AREG: variants seen among roughly 807,000 people sequenced by gnomAD.
AREG encodes amphiregulin, also known as amphiregulin B.
AREG carries 16 observed loss-of-function variants against 28.0 expected under a neutral mutation model. The observed-to-expected ratio is 0.57, with a 90% CI of 0.39 to 0.87. The LOEUF (loss-of-function observed/expected upper bound fraction) is 0.87. Ranked by LOEUF, AREG falls within the 40% of genes least tolerant of loss-of-function variation. The pLI is 0.00. For synonymous variants in AREG, 113 were observed against 113.5 expected (o/e 1.00, Z 0.02); for missense variants, 287 against 309.1 (o/e 0.93, Z 0.53).
chr4:74,449,070 C>G lies in AREG; in HGVS notation c.334C>G (p.Gln112Glu). 1 of 1,609,092 alleles carries G rather than the reference C, an allele frequency of 6.2e-7. No homozygotes were observed. The highest frequency in any genetic ancestry group is 8.5e-7 in the Non-Finnish European group (1 of 1,179,072). The stretch of plus-strand genomic sequence containing the variant: ...AGTTGAACAGGTAGTTAAGCCCCCC[C>G]AAAACAAGACGGAAAGTGAAAATAC... ...VRVEQVVKPP[Q>E]NKTESENTSD... The change falls in exon 3 of 6, where the codon CAA (glutamine) becomes GAA (glutamate). Residue 112 changes from glutamine (Q) to glutamate (E), a missense_variant. Physicochemically the swap from Gln to Glu is conservative, Grantham distance 29. Transcript: ENST00000395748.
In AREG at chr4:74,445,449, G is replaced by A. The variant is rs1294898846; in HGVS notation, c.61+43G>A. 3 of 1,586,432 alleles carry A rather than the reference G, an allele frequency of 1.9e-6. No homozygotes were observed. The African/African-American group carries it at 4.0e-5, about 21-fold the overall frequency. On this transcript the variant is annotated intron_variant, in intron 1 of 5. Transcript: ENST00000395748. ...CTGAACTGCTGGGCTCTCCTCCCAT[G>A]GCAGGTTTTGCCTCTTGAGTTTGGC...
rs535058571 is a variant in AREG, at chr4:74,446,545, G to A, written c.73G>A (p.Ala25Thr). 4.6e-5 allele frequency: 74 copies of A among 1,613,904 alleles called. 1 individual carries two copies. The Middle Eastern group carries it at 6.6e-3, about 144-fold the overall frequency. Residue 25 changes from alanine (A) to threonine (T), a missense_variant, in exon 2 of 6, where the codon GCT becomes ACT. By Grantham distance (58) the Ala-to-Thr change is moderately conservative. Transcript: ENST00000395748. Reference sequence around the variant, plus strand: ...TCCCTCCCCTGCAGGCCATTATGCTGCTGGATTGGACCTCAATGACACCTA... The same window carrying A: ...TCCCTCCCCTGCAGGCCATTATGCTACTGGATTGGACCTCAATGACACCTA... Reference protein sequence around the residue: ...LLILGSGHYAAGLDLNDTYSG... With the variant: ...LLILGSGHYATGLDLNDTYSG...
chr4:74,452,448 A>G lies in AREG; in HGVS notation c.666-96A>G, dbSNP rs28364988. On this transcript the variant is annotated intron_variant, in intron 4 of 5. Transcript: ENST00000395748. ...GTATAGTGATTGCTGGTCTATCACT[A>G]CTCATGAAGTGGAACCCCCTCTACT... The G allele has an allele frequency of 5.7e-5, 79 of 1,395,320 alleles. No individual in the cohort carries two copies. The East Asian group carries it at 1.8e-3, about 31-fold the overall frequency. 86.4% of individuals were successfully genotyped at this position (1,395,320 alleles called of 1,614,324 possible). A position where few individuals can be genotyped will look rare whatever the true frequency, so the allele number is the denominator to read the frequency against.
intron 5 of AREG, among the ~76,000 whole-genome samples, chr4:74,454,176 T>G (rs1719424214): frequency 6.6e-6 from 1 of 152,222 alleles, no homozygotes; most frequent in Non-Finnish European, 1.5e-5. Context: ...TACATCAAAA[T>G]TTTTAATGTA....
chr4:74,454,785 T>C lies in AREG; in HGVS notation c.*45T>C. ...ATATCACATTGGAGTCACTGCCAAG[T>C]CATAGCCATAAATGATGAGTCGGTC... On this transcript the variant is annotated 3_prime_UTR_variant, in exon 6 of 6. Transcript: ENST00000395748. The C allele has an allele frequency of 1.4e-6, 1 of 699,324 alleles. No individual in the cohort carries two copies. The highest frequency in any genetic ancestry group is 2.7e-5 in the East Asian group (1 of 37,068). The allele number at this position is 699,324 out of a possible 1,614,324, so 43.3% of individuals were successfully genotyped here. A position where few individuals can be genotyped will look rare whatever the true frequency, so the allele number is the denominator to read the frequency against.
intron 1 of AREG, among the ~76,000 whole-genome samples, chr4:74,445,937 A>G (rs2110410469): frequency 6.6e-6 from 1 of 152,304 alleles, no homozygotes; most frequent in Non-Finnish European, 1.5e-5. Context: ...TACTCAGTTT[A>G]TTGTCTATGT....
chr4:74,445,538 T>C, intron 1 of AREG, 132 bp downstream of exon 1: 2 of 1,493,556 alleles, frequency 1.3e-6, no homozygotes, highest in Non-Finnish European at 1.8e-6. Context: ...GTGATCACTG[T>C]AGCTCCCTCC....
chr4:74,450,497 T>C lies in AREG; in HGVS notation c.630T>C (p.Ala210=). ...CAGCCATAGCTGCCTTTATGTCTGC[T>C]GTGATCCTCACAGCTGTTGCTGTTA... ...ALAAIAAFMS[A]VILTAVAVIT... is the part of the protein sequence containing the mutation. The change falls in exon 4 of 6, where the codon GCT becomes GCC. Residue 210 remains alanine, a synonymous_variant. Coordinates refer to ENST00000395748, the MANE Select transcript of AREG (RefSeq NM_001657.4). 6.2e-7 allele frequency: 1 copy of C among 1,613,990 alleles called. No individual in the cohort carries two copies. Among genetic ancestry groups the C allele is most frequent in the Non-Finnish European group, 8.5e-7 (1 of 1,179,842 alleles).
chr4:74,447,379 A>G (rs1221576291), intron 2 of AREG, among the ~76,000 whole-genome samples: 1 of 152,220 alleles, frequency 6.6e-6, no homozygotes, highest in African/African-American at 2.4e-5. Flanking sequence ...TGGAATAATA[A>G]TAATAATGCC....
intron 1 of AREG, among the ~76,000 whole-genome samples, chr4:74,446,123 G>A (rs1719282173): frequency 6.6e-6 from 1 of 152,114 alleles, no homozygotes; most frequent in South Asian, 2.1e-4. Flanking sequence ...CACATCTGAA[G>A]AAAATCTGAT....
intron 5 of AREG, 27 bp downstream of exon 5, chr4:74,452,682 A>G: frequency 1.9e-6 from 3 of 1,585,388 alleles, no homozygotes; most frequent in South Asian, 1.2e-5. Context: ...ATATCTTTAG[A>G]TCATATCCTA....
At chr4:74,447,273 A>G (rs1719308890) in intron 2 of AREG, among the ~76,000 whole-genome samples, 1 of 152,186 alleles carries the variant, frequency 6.6e-6, no homozygotes, top group Admixed American at 6.5e-5. Context: ...ACCCTTCCCC[A>G]GATAACTGCA....
intron 2 of AREG, chr4:74,448,523 A>G (rs1719328556): frequency 6.5e-6 from 1 of 153,782 alleles, no homozygotes; most frequent in Non-Finnish European, 1.4e-5. Context: ...TTAGTGTAAC[A>G]AAATGCACAG....
intron 4 of AREG, among the ~76,000 whole-genome samples, chr4:74,452,108 A>C (rs1354151452): frequency 6.6e-6 from 1 of 152,186 alleles, no homozygotes; most frequent in Non-Finnish European, 1.5e-5. Context: ...CTAGAAGGAT[A>C]TATTTTATAC....
intron 2 of AREG, 39 bp from the exon 3 acceptor site, chr4:74,449,008 G>A: frequency 5.0e-6 from 8 of 1,603,162 alleles, no homozygotes; most frequent in East Asian, 4.5e-5. Flanking sequence ...TTATATTCAA[G>A]TTTGAGAGAC....
At position 74,446,684 on chromosome 4, in the gene AREG, CTAGTAGTGAA is replaced by C. The variant is rs1719295220; in HGVS notation, c.213_222del (p.Ser72ArgfsTer33). ...ATTTCCCCTGTGAGTGAAATGCCTT[CTAGTAGTGAA>C]CCGTCCTCGGGAGCCGACTATGACT... is the stretch of plus-strand genomic sequence containing the variant. On this transcript the variant is annotated frameshift_variant, in exon 2 of 6. Transcript: ENST00000395748. LOFTEE classifies it high-confidence loss of function. 12 of 1,613,818 alleles carry C rather than the reference CTAGTAGTGAA, an allele frequency of 7.4e-6. No homozygotes were observed. The highest frequency in any genetic ancestry group is 1.0e-5 in the Non-Finnish European group (12 of 1,179,884).
intron 1 of AREG, 57 bp downstream of exon 1, chr4:74,445,463 C>G: frequency 6.4e-7 from 1 of 1,572,984 alleles, no homozygotes. Context: ...GGTTTTGCCT[C>G]TTGAGTTTGG....
chr4:74,451,095 T>C (rs1719374140), intron 4 of AREG, among the ~76,000 whole-genome samples: 1 of 152,218 alleles, frequency 6.6e-6, no homozygotes, highest in Admixed American at 6.5e-5. Context: ...ATATGAGAAC[T>C]CAATTATTAA....
intron 4 of AREG, 69 bp from the exon 5 acceptor site, chr4:74,452,475 A>C: frequency 6.3e-7 from 1 of 1,594,354 alleles, no homozygotes. Context: ...CCCTCTACTC[A>C]TAAAAACCCC....
Sources: gnomAD v4.1 joint callset for allele counts (sites outside exome capture counted in the v4.1 genomes callset) on GRCh38, gnomAD v4.1.1 for gene constraint, MANE v1.5 for transcripts, NCBI Gene and HGNC (gene_info 2026-07-23, HGNC 2026-07-21) for gene names.